Variants in CAMTA1 observed in about 807,000 individuals in gnomAD.
The protein encoded by CAMTA1 is calmodulin binding transcription activator 1.
A neutral mutation model predicts 170.9 loss-of-function variants in CAMTA1; 27 were observed. That is an observed-to-expected ratio of 0.16 (90% confidence interval 0.12 to 0.22). The LOEUF (loss-of-function observed/expected upper bound fraction) is 0.22, where lower values mean the gene tolerates loss of function less well. Among genes scored for constraint, CAMTA1 ranks in the 10% least tolerant of loss-of-function variants. The pLI, the probability that CAMTA1 is intolerant of heterozygous loss-of-function variation, is 1.00. For synonymous variants in CAMTA1, 833 were observed against 891.5 expected, an observed-to-expected ratio of 0.93 and a Z score of 1.17; for missense variants, 1,619 against 2,217.2, an observed-to-expected ratio of 0.73 and a Z score of 5.42.
At chr1:6,804,022 A>G (rs1644209245) in intron 1 of CAMTA1, among the ~76,000 whole-genome samples, 1 of 151,622 alleles carries the variant, frequency 6.6e-6, no homozygotes, top group Non-Finnish European at 1.5e-5. Flanking sequence ...CTTCTCTACT[A>G]AAAAAAATAC....
chr1:7,004,250 T>C (rs1214619671), intron 3 of CAMTA1, among the ~76,000 whole-genome samples: 1 of 152,232 alleles, frequency 6.6e-6, no homozygotes, highest in African/African-American at 2.4e-5. Context: ...TTCTTTTCTT[T>C]TTTTTCCCTC....
At chr1:6,862,836 G>A (rs544214893) in intron 3 of CAMTA1, among the ~76,000 whole-genome samples, 2 of 152,250 alleles carry the variant, frequency 1.3e-5, no homozygotes, top group South Asian at 4.1e-4. Flanking sequence ...CAATTAGAGC[G>A]AGGCTCTTTT....
intron 3 of CAMTA1, among the ~76,000 whole-genome samples, chr1:6,838,024 G>A (rs1570712326): frequency 6.6e-6 from 1 of 152,124 alleles, no homozygotes; most frequent in East Asian, 1.9e-4. Context: ...TATGCCAGGT[G>A]GACATGGCAT....
intron 4 of CAMTA1, among the ~76,000 whole-genome samples, chr1:7,133,232 C>T (rs908238636): frequency 6.6e-6 from 1 of 152,112 alleles, no homozygotes; most frequent in African/African-American, 2.4e-5. Flanking sequence ...TTTCTTTGTG[C>T]ACAACTTTTT....
chr1:7,267,837 G>T (rs1669156610), intron 5 of CAMTA1, among the ~76,000 whole-genome samples: 1 of 152,166 alleles, frequency 6.6e-6, no homozygotes, highest in Non-Finnish European at 1.5e-5. Context: ...ATGTTCCCCT[G>T]CCCCTCTCAG....
Position 6,814,378 on chromosome 1 carries a change from G to T in CAMTA1, c.46-5803G>T, listed in dbSNP as rs916365244. On this transcript the variant is annotated intron_variant, in intron 1 of 22. Coordinates refer to ENST00000303635, the MANE Select transcript of CAMTA1 (RefSeq NM_015215.4). ...TCGTGACCAAATTCTAGCCAGTGGG[G>T]TGAGAGCAACGAAGTGTGCCACTTC... Among the ~76,000 whole-genome samples, 3 of 152,162 alleles carry T rather than the reference G, an allele frequency of 2.0e-5. 1 individual carries two copies. The highest frequency in any genetic ancestry group is 2.4e-5 in the African/African-American group (1 of 41,422).
At chr1:7,478,997 C>T (rs1166028620) in intron 6 of CAMTA1, among the ~76,000 whole-genome samples, 5 of 152,192 alleles carry the variant, frequency 3.3e-5, no homozygotes, top group Admixed American at 6.5e-5. Flanking sequence ...GAAATCCAGA[C>T]GTAGTGGGAC....
chr1:7,101,891 G>GCACATATA (rs1481439788), intron 4 of CAMTA1, among the ~76,000 whole-genome samples: 2 of 152,140 alleles, frequency 1.3e-5, no homozygotes, highest in Non-Finnish European at 2.9e-5. Context: ...GCATATACAT[G>GCACATATA]CACATATACA....
At chr1:7,508,240 C>T (rs1378170886) in intron 6 of CAMTA1, among the ~76,000 whole-genome samples, 2 of 152,142 alleles carry the variant, frequency 1.3e-5, no homozygotes. Context: ...TCCGGTGGAC[C>T]CTCCACAGAC....
intron 5 of CAMTA1, among the ~76,000 whole-genome samples, chr1:7,278,402 C>G (rs1251216678): frequency 6.6e-6 from 1 of 152,198 alleles, no homozygotes; most frequent in African/African-American, 2.4e-5. Context: ...TCTCAGAGTT[C>G]TGTAGTAAGT....
At chr1:7,594,881 G>A (rs375395141) in intron 6 of CAMTA1, among the ~76,000 whole-genome samples, 40 of 152,306 alleles carry the variant, frequency 2.6e-4, no homozygotes, top group African/African-American at 6.3e-4. Context: ...GGTGCTTGTC[G>A]GAGATCTGGG....
intron 3 of CAMTA1, among the ~76,000 whole-genome samples, chr1:7,047,920 C>T (rs1189397897): frequency 6.6e-6 from 1 of 152,112 alleles, no homozygotes; most frequent in Non-Finnish European, 1.5e-5. Flanking sequence ...CCTGAAGCTT[C>T]TATCACCAGG....
At chr1:7,627,901 A>T (rs1315370284) in intron 6 of CAMTA1, among the ~76,000 whole-genome samples, 1 of 152,234 alleles carries the variant, frequency 6.6e-6, no homozygotes, top group African/African-American at 2.4e-5. Context: ...CTCAGCAATC[A>T]TAGCGGTGGG....
chr1:7,628,202 G>A (rs983041941), intron 6 of CAMTA1, among the ~76,000 whole-genome samples: 3 of 152,184 alleles, frequency 2.0e-5, no homozygotes, highest in Non-Finnish European at 4.4e-5. Context: ...GCAAGAGATG[G>A]CTTCCAGGAG....
chr1:6,985,218 G>A (rs1695160388), intron 3 of CAMTA1, among the ~76,000 whole-genome samples: 1 of 152,214 alleles, frequency 6.6e-6, no homozygotes, highest in Non-Finnish European at 1.5e-5. Flanking sequence ...GAGAACTGCA[G>A]CTGTAGCTAC....
At chr1:7,094,852 C>T (rs1008313379) in intron 4 of CAMTA1, among the ~76,000 whole-genome samples, 1 of 152,158 alleles carries the variant, frequency 6.6e-6, no homozygotes, top group African/African-American at 2.4e-5. Context: ...TTGGCACTTG[C>T]TGTGTGCTCA....
chr1:7,590,252 G>T (rs1392917920), intron 6 of CAMTA1, among the ~76,000 whole-genome samples: 1 of 152,216 alleles, frequency 6.6e-6, no homozygotes, highest in East Asian at 1.9e-4. Context: ...CCCTGCTGCT[G>T]CTATGAGTCC....
intron 16 of CAMTA1, among the ~76,000 whole-genome samples, chr1:7,742,031 T>C (rs1304095648): frequency 6.7e-6 from 1 of 148,404 alleles, no homozygotes; most frequent in African/African-American, 2.5e-5. Flanking sequence ...AGAGAAACAA[T>C]GAAAATGAAA....
chr1:7,471,340 C>G (rs1018166361), intron 6 of CAMTA1, among the ~76,000 whole-genome samples: 3 of 152,212 alleles, frequency 2.0e-5, no homozygotes, highest in Non-Finnish European at 4.4e-5. Flanking sequence ...CCCATAGGCT[C>G]ATAAAGCCAT....
Sources: allele counts gnomAD v4.1 joint callset (sites outside exome capture counted in the v4.1 genomes callset), GRCh38; gene constraint gnomAD v4.1.1; transcripts MANE v1.5; gene names NCBI Gene and HGNC (gene_info 2026-07-23, HGNC 2026-07-21).